CTNNA1: variants seen among roughly 807,000 people sequenced by gnomAD.
The protein encoded by CTNNA1 is catenin alpha 1.
Under a neutral mutation model 98.4 loss-of-function variants are expected in CTNNA1, and 37 were observed. That is an observed-to-expected ratio of 0.38 (90% confidence interval 0.29 to 0.49). The LOEUF (loss-of-function observed/expected upper bound fraction) is 0.49, where lower values mean the gene tolerates loss of function less well. Ranked by LOEUF, CTNNA1 falls within the 20% of genes least tolerant of loss-of-function variation. The pLI is 0.95. For synonymous variants in CTNNA1, 404 were observed against 413.2 expected (o/e 0.98, Z 0.27); for missense variants, 761 against 1,147.2 (o/e 0.66, Z 4.86).
intron 5 of CTNNA1, among the ~76,000 whole-genome samples, chr5:138,823,401 G>A (rs1294318731): frequency 6.6e-6 from 1 of 152,142 alleles, no homozygotes; most frequent in East Asian, 1.9e-4. Flanking sequence ...GTTTAAGACC[G>A]TATCTATACA....
intron 13 of CTNNA1, 51 bp downstream of exon 13, chr5:138,925,458 T>C: frequency 6.3e-7 from 1 of 1,593,726 alleles, no homozygotes; most frequent in South Asian, 1.1e-5. Flanking sequence ...TATCATTTGC[T>C]AAACTTGAGC....
At position 138,915,223 on chromosome 5, in the gene CTNNA1, T is replaced by C. The variant is rs556244437; in HGVS notation, c.1390-2519T>C. ...ACCTTGTACCTAGGAATCCTACTAA[T>C]TATCCTCTCAGCGCATTTTCATACT... On this transcript the variant is annotated intron_variant, in intron 10 of 17. Coordinates refer to ENST00000302763, the MANE Select transcript of CTNNA1 (RefSeq NM_001903.5). Among the ~76,000 whole-genome samples, 6 of 152,306 alleles carry C rather than the reference T, an allele frequency of 3.9e-5. No individual in the cohort carries two copies. In the South Asian group the frequency reaches 1.2e-3, roughly 32 times the overall value.
At chr5:138,926,048 T>C (rs1763954199) in intron 13 of CTNNA1, among the ~76,000 whole-genome samples, 2 of 152,192 alleles carry the variant, frequency 1.3e-5, no homozygotes, top group South Asian at 2.1e-4. Context: ...GCCTCTCAGT[T>C]TCTTGATGTC....
intron 9 of CTNNA1, among the ~76,000 whole-genome samples, chr5:138,888,694 C>A (rs1484371790): frequency 6.6e-6 from 1 of 152,028 alleles, no homozygotes; most frequent in Non-Finnish European, 1.5e-5. Flanking sequence ...ATTACAGGCA[C>A]CCGCCACCAT....
rs1766190415 is a variant in CTNNA1 at position 138,934,777 on chromosome 5, T to TTCA, written c.*693_*695dup. ...TCTTTCTCCCAGCTTCAAATGCAAATTCATCATTGGGCTCACTTCTAATAA... is the reference window on the plus strand; with the variant it reads ...TCTTTCTCCCAGCTTCAAATGCAAATTCATCATCATTGGGCTCACTTCTAATAA... On this transcript the variant is annotated 3_prime_UTR_variant, in exon 18 of 18. Transcript: ENST00000302763. The TTCA allele has an allele frequency of 6.5e-6, 1 of 152,684 alleles. No homozygotes were observed. The highest frequency in any genetic ancestry group is 2.4e-5 in the African/African-American group (1 of 41,444). 9.5% of individuals were successfully genotyped at this position (152,684 alleles called of 1,614,324 possible).
intron 13 of CTNNA1, among the ~76,000 whole-genome samples, chr5:138,928,120 G>T (rs1320338333): frequency 6.6e-6 from 1 of 152,178 alleles, no homozygotes; most frequent in African/African-American, 2.4e-5. Flanking sequence ...CTTGGACTAT[G>T]TCCTGGTACA....
At chr5:138,794,478 A>C (rs182964880) in intron 3 of CTNNA1, among the ~76,000 whole-genome samples, 3 of 152,216 alleles carry the variant, frequency 2.0e-5, no homozygotes, top group Admixed American at 6.5e-5. Context: ...GTTTTTACCA[A>C]ATATCCCTCC....
intron 3 of CTNNA1, among the ~76,000 whole-genome samples, chr5:138,803,257 G>A (rs920995077): frequency 2.6e-5 from 4 of 151,646 alleles, no homozygotes; most frequent in Non-Finnish European, 5.9e-5. Flanking sequence ...GGGCTCAAGC[G>A]ATCATCCCAT....
At chr5:138,905,942 A>T (rs1759154183) in intron 10 of CTNNA1, among the ~76,000 whole-genome samples, 1 of 152,236 alleles carries the variant, frequency 6.6e-6, no homozygotes, top group African/African-American at 2.4e-5. Flanking sequence ...GACTGGAGAA[A>T]TGAAATAGAG....
chr5:138,821,827 A>G (rs1453615284), intron 5 of CTNNA1, among the ~76,000 whole-genome samples: 1 of 152,210 alleles, frequency 6.6e-6, no homozygotes, highest in African/African-American at 2.4e-5. Flanking sequence ...TAAATAATCT[A>G]TTATGTTGCT....
chr5:138,754,545 A>G (rs936924120), intron 1 of CTNNA1: 3 of 152,232 alleles, frequency 2.0e-5, no homozygotes, highest in Non-Finnish European at 4.4e-5. Context: ...GGAAATGCTT[A>G]CATCATTGTT....
intron 7 of CTNNA1, among the ~76,000 whole-genome samples, chr5:138,846,777 A>G (rs1017033436): frequency 5.3e-5 from 8 of 152,172 alleles, no homozygotes; most frequent in African/African-American, 1.9e-4. Flanking sequence ...AACCCCTCAA[A>G]TTATACTGAA....
chr5:138,871,048 G>A (rs1226216750), intron 7 of CTNNA1: 1 of 152,100 alleles, frequency 6.6e-6, no homozygotes, highest in East Asian at 1.9e-4. Flanking sequence ...GCTTTTTACC[G>A]AGAGATGTTA....
intron 1 of CTNNA1, among the ~76,000 whole-genome samples, chr5:138,759,258 C>T (rs1561492949): frequency 6.6e-6 from 1 of 152,026 alleles, no homozygotes; most frequent in South Asian, 2.1e-4. Context: ...CTTCTCATTC[C>T]CAGGGTTTGC....
At chr5:138,921,164 A>G (rs1198757411) in intron 11 of CTNNA1, among the ~76,000 whole-genome samples, 1 of 152,244 alleles carries the variant, frequency 6.6e-6, no homozygotes, top group Non-Finnish European at 1.5e-5. Flanking sequence ...CAATCCCTTA[A>G]GGAGAGTGGT....
intron 10 of CTNNA1, among the ~76,000 whole-genome samples, chr5:138,906,778 A>C (rs192231446): frequency 1.3e-5 from 2 of 152,302 alleles, no homozygotes; most frequent in Admixed American, 6.5e-5. Context: ...CCTGAAAAAA[A>C]CCATGTTTTT....
chr5:138,816,727 G>A (rs1303805751), intron 5 of CTNNA1, among the ~76,000 whole-genome samples: 1 of 151,432 alleles, frequency 6.6e-6, no homozygotes, highest in Admixed American at 6.6e-5. Context: ...TTAAGACAGA[G>A]TTTTAGTGTG....
intron 7 of CTNNA1, among the ~76,000 whole-genome samples, chr5:138,865,168 G>A (rs1351758313): frequency 6.6e-6 from 1 of 152,138 alleles, no homozygotes; most frequent in Non-Finnish European, 1.5e-5. Context: ...GTAATATAAT[G>A]TAGTAGGTGT....
intron 7 of CTNNA1, among the ~76,000 whole-genome samples, chr5:138,845,445 T>C (rs1041580789): frequency 6.6e-6 from 1 of 152,254 alleles, no homozygotes; most frequent in African/African-American, 2.4e-5. Context: ...AGCCTGATTC[T>C]ACCTTTCTAA....
Sources: allele counts gnomAD v4.1 joint callset (sites outside exome capture counted in the v4.1 genomes callset), GRCh38; gene constraint gnomAD v4.1.1; transcripts MANE v1.5; gene names NCBI Gene and HGNC (gene_info 2026-07-23, HGNC 2026-07-21).